The following TLN2 variants were observed in gnomAD, a reference collection of about 807,000 sequenced individuals.
The protein encoded by TLN2 is talin 2.
TLN2 carries 118 observed loss-of-function variants against 294.7 expected under a neutral mutation model. The observed-to-expected ratio is 0.40, with a 90% confidence interval of 0.34 to 0.47. TLN2 has a LOEUF of 0.47. Among genes scored for constraint, TLN2 ranks in the 20% least tolerant of loss-of-function variants. The pLI is 0.84. For synonymous variants in TLN2, 1,431 were observed against 1,304.5 expected (o/e 1.10, Z -2.09); for missense variants, 3,083 against 3,282.2 (o/e 0.94, Z 1.48).
intron 1 of TLN2, among the ~76,000 whole-genome samples, chr15:62,536,594 G>A (rs1373418485): frequency 6.6e-6 from 1 of 152,160 alleles, no homozygotes; most frequent in East Asian, 1.9e-4. Flanking sequence ...CCTCCCTAGG[G>A]TGTCTGAACA....
intron 1 of TLN2, among the ~76,000 whole-genome samples, chr15:62,565,865 G>T (rs1321809592): frequency 6.6e-6 from 1 of 152,064 alleles, no homozygotes; most frequent in African/African-American, 2.4e-5. Context: ...GCATAGCATT[G>T]TCAGGGGCTG....
rs1009836200 is a variant in TLN2, at chr15:62,721,717, G to A, written c.2992-636G>A. On this transcript the variant is annotated intron_variant, in intron 25 of 58. Transcript: ENST00000636159. ...GTTAGCTGTAGAGCTGTTTATCATA[G>A]CATTGTTTATTAAATTGGAAAAAAT... Among the ~76,000 whole-genome samples, 10 of 152,240 alleles carry A rather than the reference G, an allele frequency of 6.6e-5. No individual in the cohort carries two copies. In the East Asian group the frequency reaches 7.7e-4, roughly 12 times the overall value.
chr15:62,636,978 G>A (rs911482409), intron 3 of TLN2, among the ~76,000 whole-genome samples: 2 of 152,104 alleles, frequency 1.3e-5, no homozygotes, highest in Admixed American at 1.3e-4. Context: ...CCAACCCCAC[G>A]TAAAAGCCAA....
chr15:62,396,866 A>G (rs1403477691), intron 1 of TLN2, among the ~76,000 whole-genome samples: 1 of 152,058 alleles, frequency 6.6e-6, no homozygotes, highest in Non-Finnish European at 1.5e-5. Context: ...CACCACTCCC[A>G]GCTAATTTTT....
At chr15:62,609,241 G>T (rs1304521379) in intron 2 of TLN2, among the ~76,000 whole-genome samples, 1 of 152,208 alleles carries the variant, frequency 6.6e-6, no homozygotes, top group Non-Finnish European at 1.5e-5. Flanking sequence ...TGAACCATTT[G>T]ATTGTAAGTT....
intron 1 of TLN2, among the ~76,000 whole-genome samples, chr15:62,391,552 G>T (rs987209319): frequency 6.6e-6 from 1 of 152,238 alleles, no homozygotes; most frequent in Non-Finnish European, 1.5e-5. Context: ...TCTTGACTGC[G>T]GAGGGGAGGG....
rs150320583 is a variant in TLN2 at position 62,456,224 on chromosome 15, A to G, written c.-238+65539A>G. Among the ~76,000 whole-genome samples the G allele has an allele frequency of 1.6e-3, 249 of 152,220 alleles. 1 individual carries two copies. The highest frequency in any genetic ancestry group is 5.8e-3 in the African/African-American group (239 of 41,542). ...TCTGAGTCAGATCTAAATATCCAAG[A>G]AGGCCAGACTTCTTTTTGTCCTTTT... On this transcript the variant is annotated intron_variant, in intron 1 of 58. Coordinates refer to ENST00000636159, the MANE Select transcript of TLN2 (RefSeq NM_015059.3).
chr15:62,424,105 C>T (rs751125883), intron 1 of TLN2, among the ~76,000 whole-genome samples: 2 of 152,064 alleles, frequency 1.3e-5, no homozygotes, highest in East Asian at 1.9e-4. Context: ...GTCCATGCCT[C>T]GGTTTTTTTA....
At chr15:62,746,435 C>T (rs1181264780) in intron 32 of TLN2, among the ~76,000 whole-genome samples, 2 of 152,196 alleles carry the variant, frequency 1.3e-5, no homozygotes, top group African/African-American at 4.8e-5. Context: ...CAGTGTTTCC[C>T]AGTGACACCC....
intron 1 of TLN2, among the ~76,000 whole-genome samples, chr15:62,533,948 T>A (rs963535729): frequency 2.0e-5 from 3 of 152,164 alleles, no homozygotes; most frequent in Non-Finnish European, 4.4e-5. Flanking sequence ...GGTTGCCCAT[T>A]GTCTTAATTA....
intron 1 of TLN2, among the ~76,000 whole-genome samples, chr15:62,566,969 C>G (rs1040713125): frequency 4.6e-5 from 7 of 152,196 alleles, no homozygotes; most frequent in African/African-American, 1.7e-4. Context: ...GCCCCCACCT[C>G]TCAGGAAAAA....
chr15:62,547,122 A>G (rs983719945), intron 1 of TLN2, among the ~76,000 whole-genome samples: 1 of 152,244 alleles, frequency 6.6e-6, no homozygotes, highest in Non-Finnish European at 1.5e-5. Context: ...CAATTATTAT[A>G]GGTAAATATG....
intron 2 of TLN2, among the ~76,000 whole-genome samples, chr15:62,603,373 TG>T (rs2047159877): frequency 6.6e-6 from 1 of 152,222 alleles, no homozygotes; most frequent in Non-Finnish European, 1.5e-5. Context: ...GCATACTCTA[TG>T]CACGTTTCTC....
chr15:62,649,927 C>T, intron 4 of TLN2, 157 bp from the exon 5 acceptor site: 1 of 669,610 alleles, frequency 1.5e-6, no homozygotes, highest in South Asian at 1.8e-5. Context: ...AGATCTGCTC[C>T]AGCCCTGATG....
At chr15:62,697,489 T>TA (rs1322328100) in intron 14 of TLN2, among the ~76,000 whole-genome samples, 199 bp from the exon 15 acceptor site, 1 of 152,238 alleles carries the variant, frequency 6.6e-6, no homozygotes, top group East Asian at 1.9e-4. Context: ...TTACATTACT[T>TA]ATCATAAAAG....
At chr15:62,622,936 A>T (rs928118493) in intron 3 of TLN2, among the ~76,000 whole-genome samples, 3 of 152,192 alleles carry the variant, frequency 2.0e-5, no homozygotes, top group Middle Eastern at 3.2e-3. Flanking sequence ...CTCAGAGCCC[A>T]TCGATGTTGC....
In TLN2 at chr15:62,796,192, C is replaced by A; in HGVS notation, c.5949C>A (p.Ala1983=). 1 of 1,614,260 alleles carries A rather than the reference C, an allele frequency of 6.2e-7. No individual in the cohort carries two copies. Among genetic ancestry groups the A allele is most frequent in the Non-Finnish European group, 8.5e-7 (1 of 1,180,046 alleles). ...GAACCCAGGCATGCATTACAGCCGCCACCGCTGTGTCTGGGATCATTGCCG... is the reference window on the plus strand; with the variant it reads ...GAACCCAGGCATGCATTACAGCCGCAACCGCTGTGTCTGGGATCATTGCCG... ...NKGTQACITA[A]TAVSGIIADL... The change falls in exon 47 of 59, where the codon GCC becomes GCA. Residue 1983 remains alanine, a synonymous_variant. Coordinates refer to ENST00000636159, the MANE Select transcript of TLN2 (RefSeq NM_015059.3).
At chr15:62,761,986 C>T (rs891855365) in intron 38 of TLN2, among the ~76,000 whole-genome samples, 165 bp downstream of exon 38, 1 of 152,204 alleles carries the variant, frequency 6.6e-6, no homozygotes, top group Non-Finnish European at 1.5e-5. Flanking sequence ...ACAATGACTA[C>T]ACCTCTGTTG....
intron 1 of TLN2, among the ~76,000 whole-genome samples, chr15:62,539,204 T>C (rs1274014612): frequency 1.3e-5 from 2 of 152,222 alleles, no homozygotes; most frequent in Admixed American, 1.3e-4. Context: ...GCAGTGCTGA[T>C]AGAATTGAGG....
Sources: gnomAD v4.1 joint callset for allele counts (sites outside exome capture counted in the v4.1 genomes callset) on GRCh38, gnomAD v4.1.1 for gene constraint, MANE v1.5 for transcripts, NCBI Gene and HGNC (gene_info 2026-07-23, HGNC 2026-07-21) for gene names.